The following CHCHD6 variants were observed in gnomAD, a reference collection of about 807,000 sequenced individuals.
CHCHD6 encodes coiled-coil-helix-coiled-coil-helix domain containing 6.
In CHCHD6, 28 loss-of-function variants were observed where a neutral mutation model predicts 32.3. That is an observed-to-expected ratio of 0.87 (90% CI 0.64 to 1.19). The LOEUF is 1.19. CHCHD6 is among the 50% of genes most tolerant of loss of function. The pLI is 0.00. For missense variants in CHCHD6, 333 were observed against 307.0 expected (o/e 1.08, Z -0.63); for synonymous variants, 122 against 117.5 (o/e 1.04, Z -0.25).
At chr3:126,950,352 G>C (rs1293772343) in intron 6 of CHCHD6, among the ~76,000 whole-genome samples, 1 of 152,122 alleles carries the variant, frequency 6.6e-6, no homozygotes, top group Non-Finnish European at 1.5e-5. Context: ...CTGCAGAGAA[G>C]CTTATTGTGG....
intron 5 of CHCHD6, among the ~76,000 whole-genome samples, chr3:126,869,644 T>C (rs2077439357): frequency 6.6e-6 from 1 of 152,152 alleles, no homozygotes; most frequent in Non-Finnish European, 1.5e-5. Context: ...CTAATTAATT[T>C]TTAGGACTTC....
intron 4 of CHCHD6, among the ~76,000 whole-genome samples, chr3:126,752,718 G>A (rs1375374412): frequency 2.6e-5 from 4 of 152,156 alleles, no homozygotes; most frequent in Admixed American, 2.0e-4. Flanking sequence ...CATCCCGTTC[G>A]TTCTCCCTGC....
intron 4 of CHCHD6, among the ~76,000 whole-genome samples, chr3:126,791,356 A>G (rs1938531099): frequency 6.6e-6 from 1 of 152,358 alleles, no homozygotes; most frequent in Middle Eastern, 3.4e-3. Context: ...AAGCTGTCAG[A>G]CAGGGACATT....
chr3:126,798,380 T>A (rs1034577918), intron 4 of CHCHD6, among the ~76,000 whole-genome samples: 2 of 152,198 alleles, frequency 1.3e-5, no homozygotes, highest in Non-Finnish European at 2.9e-5. Context: ...ACAAAAGTGA[T>A]TTCATTAGAG....
chr3:126,940,388 AT>A (rs145539777), intron 6 of CHCHD6, among the ~76,000 whole-genome samples: 3,841 of 152,272 alleles, frequency 0.025, 58 homozygotes, highest in Middle Eastern at 0.061. Flanking sequence ...TTAGATCTTC[AT>A]TTTTAATTAT....
At chr3:126,935,062 T>G in intron 6 of CHCHD6, 3 of 912,102 alleles carry the variant, frequency 3.3e-6, no homozygotes, top group Non-Finnish European at 2.6e-6. Flanking sequence ...GGGAATCGTT[T>G]TGGAAAGAAT....
rs528449940 is a variant in CHCHD6 at position 126,954,849 on chromosome 3, CAA to C, written c.567-2566_567-2565del. On this transcript the variant is annotated intron_variant, in intron 6 of 7. Transcript: ENST00000290913. ...TATGAGGGGACAGCAGTATAGGTGA[CAA>C]GAGAGAGCCCAGGGAGACTGGCAGT... is the stretch of plus-strand genomic sequence containing the variant. Among the ~76,000 whole-genome samples, 29 of 152,324 alleles carry C rather than the reference CAA, an allele frequency of 1.9e-4. No homozygotes were observed. The South Asian group carries it at 5.8e-3, about 30-fold the overall frequency.
intron 4 of CHCHD6, among the ~76,000 whole-genome samples, chr3:126,835,725 CT>C (rs1940830984): frequency 6.6e-6 from 1 of 152,214 alleles, no homozygotes; most frequent in African/African-American, 2.4e-5. Flanking sequence ...CCATCTCTCT[CT>C]TTTCAGCCTG....
intron 6 of CHCHD6, among the ~76,000 whole-genome samples, chr3:126,936,138 C>T (rs751387215): frequency 3.9e-5 from 6 of 152,258 alleles, no homozygotes; most frequent in Non-Finnish European, 8.8e-5. Context: ...AACCTTAGAT[C>T]AGCCTTTCCT....
intron 4 of CHCHD6, among the ~76,000 whole-genome samples, chr3:126,852,154 A>G (rs1302982229): frequency 1.3e-5 from 2 of 152,228 alleles, no homozygotes; most frequent in East Asian, 1.9e-4. Context: ...GGTTCCAAGC[A>G]TAAAGACACC....
rs1227994371 is a variant in CHCHD6, at chr3:126,941,570, A to G, written c.567-15846A>G. 2.0e-5 allele frequency among the ~76,000 whole-genome samples: 3 copies of G among 152,180 alleles called. No individual in the cohort carries two copies. In the East Asian group the frequency reaches 5.8e-4, roughly 29 times the overall value. On this transcript the variant is annotated intron_variant, in intron 6 of 7. Coordinates refer to ENST00000290913, the MANE Select transcript of CHCHD6 (RefSeq NM_032343.3). ...TAGATAGACTCTTTTTTTGGGGGAT[A>G]AGTGCGTCCTTTTGAGTACATCCAG...
intron 1 of CHCHD6, among the ~76,000 whole-genome samples, chr3:126,706,238 T>TTA (rs1337337595): frequency 6.6e-6 from 1 of 152,158 alleles, no homozygotes; most frequent in Non-Finnish European, 1.5e-5. Flanking sequence ...TTTTTGAGTA[T>TTA]TATATAAGAC....
At chr3:126,826,346 A>G (rs1940390411) in intron 4 of CHCHD6, among the ~76,000 whole-genome samples, 1 of 152,244 alleles carries the variant, frequency 6.6e-6, no homozygotes, top group Non-Finnish European at 1.5e-5. Flanking sequence ...GCAGTCTTAT[A>G]AATACAGTCA....
intron 1 of CHCHD6, among the ~76,000 whole-genome samples, chr3:126,726,562 A>AT (rs1267706353): frequency 6.6e-6 from 1 of 151,358 alleles, no homozygotes; most frequent in Non-Finnish European, 1.5e-5. Context: ...AAAAAAAAAA[A>AT]TGTGTTATCT....
intron 4 of CHCHD6, among the ~76,000 whole-genome samples, chr3:126,806,983 A>C (rs1394365253): frequency 1.4e-5 from 2 of 140,974 alleles, no homozygotes; most frequent in East Asian, 4.3e-4. Flanking sequence ...TCATTCATAG[A>C]TGGGAATTGA....
chr3:126,862,194 A>C (rs1401489454), intron 5 of CHCHD6, among the ~76,000 whole-genome samples: 382 of 8,734 alleles, frequency 0.044, no homozygotes, highest in Non-Finnish European at 0.051. Flanking sequence ...CCACCATCAC[A>C]ACCGCCTCCT....
At chr3:126,720,173 C>T (rs1467350221) in intron 1 of CHCHD6, among the ~76,000 whole-genome samples, 8 of 152,232 alleles carry the variant, frequency 5.3e-5, no homozygotes, top group Non-Finnish European at 1.0e-4. Flanking sequence ...TGAGCCACTG[C>T]ACCCAGCCAA....
intron 6 of CHCHD6, among the ~76,000 whole-genome samples, chr3:126,922,563 A>C (rs1392516497): frequency 1.3e-5 from 2 of 152,174 alleles, no homozygotes; most frequent in East Asian, 3.9e-4. Flanking sequence ...CTTGCTGCTT[A>C]CCTGACTGCC....
Position 126,727,166 on chromosome 3 carries a change from A to T in CHCHD6, c.176A>T (p.Asn59Ile). 1 of 1,611,082 alleles carries T rather than the reference A, an allele frequency of 6.2e-7. No homozygotes were observed. Among genetic ancestry groups the T allele is most frequent in the Non-Finnish European group, 8.5e-7 (1 of 1,177,200 alleles). ...TSSTFGLQDG[N>I]LRAPHKESTL... ...TCTACCTTTGGCCTTCAAGATGGCA[A>T]CTTGAGAGCCCCTCACAAAGGTATG... The change falls in exon 2 of 8, where the codon AAC becomes ATC. Residue 59 changes from asparagine to isoleucine, a missense_variant. By Grantham distance (149) the Asn-to-Ile change is moderately radical (BLOSUM62 -3). Coordinates refer to ENST00000290913, the MANE Select transcript of CHCHD6 (RefSeq NM_032343.3).
Sources: gnomAD v4.1 joint callset for allele counts (sites outside exome capture counted in the v4.1 genomes callset) on GRCh38, gnomAD v4.1.1 for gene constraint, MANE v1.5 for transcripts, NCBI Gene and HGNC (gene_info 2026-07-23, HGNC 2026-07-21) for gene names.